PCSK5: variants seen among roughly 807,000 people sequenced by gnomAD.
PCSK5 encodes prohormone convertase 5.
A neutral mutation model predicts 233.2 loss-of-function variants in PCSK5; 129 were observed. The observed-to-expected ratio is 0.55, with a 90% CI of 0.48 to 0.64. PCSK5 has a LOEUF of 0.64. Ranked by LOEUF, PCSK5 falls within the 30% of genes least tolerant of loss-of-function variation. The probability of loss-of-function intolerance (pLI) is 0.00; values close to 1 mark genes in which losing one functional copy is unlikely to be tolerated. For missense variants in PCSK5, 2,076 were observed against 2,430.1 expected (o/e 0.85, Z 3.06); for synonymous variants, 825 against 879.2 (o/e 0.94, Z 1.09).
chr9:76,121,403 A>C (rs1832624556), intron 9 of PCSK5, among the ~76,000 whole-genome samples: 1 of 151,918 alleles, frequency 6.6e-6, no homozygotes, highest in Non-Finnish European at 1.5e-5. Context: ...TATTTTTCTG[A>C]GATTTTCTTT....
At chr9:76,049,612 C>T (rs1479686856) in intron 5 of PCSK5, among the ~76,000 whole-genome samples, 1 of 152,172 alleles carries the variant, frequency 6.6e-6, no homozygotes, top group Non-Finnish European at 1.5e-5. Flanking sequence ...CTCCACCCAC[C>T]TTCTCACACC....
chr9:76,007,796 T>TG (rs1827542652), intron 3 of PCSK5, among the ~76,000 whole-genome samples: 3 of 128,224 alleles, frequency 2.3e-5, no homozygotes, highest in African/African-American at 8.9e-5. Flanking sequence ...CCGGCTAATT[T>TG]TGTGTGTGTG....
At chr9:76,052,920 C>T (rs1326741249) in intron 5 of PCSK5, among the ~76,000 whole-genome samples, 2 of 152,154 alleles carry the variant, frequency 1.3e-5, no homozygotes, top group African/African-American at 2.4e-5. Flanking sequence ...GCTGTGGGTC[C>T]CATGTAAGTC....
chr9:76,031,172 G>A (rs1388642497), intron 5 of PCSK5, among the ~76,000 whole-genome samples: 10 of 152,098 alleles, frequency 6.6e-5, no homozygotes, highest in Non-Finnish European at 1.2e-4. Context: ...TTGCTCATTA[G>A]ACCATAATAA....
intron 20 of PCSK5, chr9:76,193,603 C>CG (rs1824534666): frequency 2.7e-6 from 1 of 375,500 alleles, no homozygotes; most frequent in African/African-American, 2.1e-5. Flanking sequence ...GCTAAACAGC[C>CG]AGAACCACAG....
intron 30 of PCSK5, among the ~76,000 whole-genome samples, chr9:76,319,906 C>T (rs2643316): frequency 1.3e-5 from 2 of 151,916 alleles, no homozygotes; most frequent in East Asian, 1.9e-4. Context: ...AAAACGCTGA[C>T]GTACACTGCC....
intron 2 of PCSK5, among the ~76,000 whole-genome samples, chr9:75,978,942 G>A (rs1184814724): frequency 7.2e-6 from 1 of 138,270 alleles, no homozygotes; most frequent in Non-Finnish European, 1.5e-5. Context: ...GCACAATCTT[G>A]GCTCACCGCA....
At chr9:75,946,339 C>T (rs1384749262) in intron 2 of PCSK5, among the ~76,000 whole-genome samples, 1 of 152,160 alleles carries the variant, frequency 6.6e-6, no homozygotes, top group Non-Finnish European at 1.5e-5. Context: ...TATTTGGATT[C>T]TGGTCTCAGC....
intron 5 of PCSK5, among the ~76,000 whole-genome samples, chr9:76,046,160 GTTTTTTTTTTTTTTTTTTTT>G (rs71372041): frequency 1.9e-4 from 11 of 58,042 alleles, no homozygotes; most frequent in East Asian, 5.1e-4. Flanking sequence ...TTTTTCTTTT[GTTTTTTTTTTTTTTTTTTTT>G]TTTTTTTTTT....
Position 76,358,574 on chromosome 9 carries a change from G to C in PCSK5, c.5316G>C (p.Leu1772=), listed in dbSNP as rs1404829601. Residue 1772 remains leucine (L), a synonymous_variant, in exon 38 of 38, where the codon CTG becomes CTC. Transcript: ENST00000674117. Reference sequence around the variant, plus strand: ...CAACTGAGCATTTCAAGACAGCTCTGTTCATCACCTCCTCCATGATGCTGG... The same window carrying C: ...CAACTGAGCATTTCAAGACAGCTCTCTTCATCACCTCCTCCATGATGCTGG... ...RPATEHFKTA[L]FITSSMMLVL... The C allele has an allele frequency of 1.9e-6, 3 of 1,612,744 alleles. No individual in the cohort carries two copies. Among genetic ancestry groups the C allele is most frequent in the East Asian group, 2.2e-5 (1 of 44,872 alleles).
At chr9:76,057,787 C>A (rs1829873457) in intron 5 of PCSK5, among the ~76,000 whole-genome samples, 1 of 147,696 alleles carries the variant, frequency 6.8e-6, no homozygotes, top group African/African-American at 2.5e-5. Flanking sequence ...TCAATTACAT[C>A]TTTCCTGGTA....
chr9:76,186,858 C>T (rs903422968), intron 17 of PCSK5, among the ~76,000 whole-genome samples: 1 of 152,162 alleles, frequency 6.6e-6, no homozygotes, highest in Non-Finnish European at 1.5e-5. Context: ...TGACAGCGCT[C>T]TCTCTCTGGC....
intron 24 of PCSK5, among the ~76,000 whole-genome samples, chr9:76,274,717 T>A (rs1328756253): frequency 6.6e-6 from 1 of 151,840 alleles, no homozygotes; most frequent in African/African-American, 2.4e-5. Flanking sequence ...CTCAAAGGGG[T>A]TTTTTTGTTG....
chr9:76,020,097 C>G (rs1011866800), intron 3 of PCSK5, among the ~76,000 whole-genome samples: 1 of 152,206 alleles, frequency 6.6e-6, no homozygotes, highest in Non-Finnish European at 1.5e-5. Context: ...TAACACAATT[C>G]TAGACACTCT....
intron 34 of PCSK5, among the ~76,000 whole-genome samples, chr9:76,334,530 A>G (rs1359579206): frequency 6.6e-6 from 1 of 152,168 alleles, no homozygotes; most frequent in African/African-American, 2.4e-5. Context: ...TAGGAGTTTG[A>G]GACCAGCCTG....
chr9:75,961,897 C>T (rs1480467514), intron 2 of PCSK5, among the ~76,000 whole-genome samples: 1 of 152,178 alleles, frequency 6.6e-6, no homozygotes, highest in Non-Finnish European at 1.5e-5. Flanking sequence ...GCACGCCTTG[C>T]ATTCTCTTTT....
chr9:76,133,593 A>T (rs2131745443), intron 9 of PCSK5, among the ~76,000 whole-genome samples: 1 of 152,110 alleles, frequency 6.6e-6, no homozygotes, highest in African/African-American at 2.4e-5. Flanking sequence ...GAAAATTGGG[A>T]TGCTGTTTCG....
At chr9:76,150,040 A>T (rs1354248803) in intron 10 of PCSK5, among the ~76,000 whole-genome samples, 1 of 152,220 alleles carries the variant, frequency 6.6e-6, no homozygotes, top group East Asian at 1.9e-4. Context: ...GTGTGTGTAT[A>T]TATAAACATT....
intron 1 of PCSK5, among the ~76,000 whole-genome samples, chr9:75,924,812 G>A (rs1055207890): frequency 5.3e-5 from 8 of 152,028 alleles, no homozygotes; most frequent in African/African-American, 1.7e-4. Flanking sequence ...TTTATATTTC[G>A]AACATCTTTT....
Sources: gnomAD v4.1 joint callset for allele counts (sites outside exome capture counted in the v4.1 genomes callset) on GRCh38, gnomAD v4.1.1 for gene constraint, MANE v1.5 for transcripts, NCBI Gene and HGNC (gene_info 2026-07-23, HGNC 2026-07-21) for gene names.